The following SART1 variants were observed in gnomAD, a reference collection of about 807,000 sequenced individuals.
SART1 encodes the protein spliceosome associated factor 1, recruiter of U4/U6.U5 tri-snRNP.
A neutral mutation model predicts 105.0 loss-of-function variants in SART1; 28 were observed. That is an observed-to-expected ratio of 0.27 (90% CI 0.20 to 0.37). The LOEUF (loss-of-function observed/expected upper bound fraction) is 0.37, where lower values mean the gene tolerates loss of function less well. SART1 is among the 10% of genes least tolerant of loss of function. The pLI, the probability that SART1 is intolerant of heterozygous loss-of-function variation, is 1.00. For synonymous variants in SART1, 472 were observed against 462.9 expected (o/e 1.02, Z -0.25); for missense variants, 894 against 1,106.5 (o/e 0.81, Z 2.72).
At chr11:65,966,643 G>A (rs1855265947) in intron 9 of SART1, 87 bp downstream of exon 9, 2 of 1,373,488 alleles carry the variant, frequency 1.5e-6, no homozygotes, top group Non-Finnish European at 1.9e-6. Flanking sequence ...GAGAAGACAG[G>A]GCGAGTATTT....
At chr11:65,964,801 A>G (rs1855213766) in intron 3 of SART1, among the ~76,000 whole-genome samples, 1 of 151,726 alleles carries the variant, frequency 6.6e-6, no homozygotes, top group Non-Finnish European at 1.5e-5. Flanking sequence ...GAGTTGTTAG[A>G]TGGACTGGAA....
intron 12 of SART1, among the ~76,000 whole-genome samples, chr11:65,968,796 AG>A (rs1240155442): frequency 6.6e-6 from 1 of 152,130 alleles, no homozygotes; most frequent in African/African-American, 2.4e-5. Context: ...ATGGAGAGGT[AG>A]GGGGCCAACG....
At chr11:65,962,784 A>C (rs1855172898) in intron 1 of SART1, among the ~76,000 whole-genome samples, 1 of 152,244 alleles carries the variant, frequency 6.6e-6, no homozygotes, top group Non-Finnish European at 1.5e-5. Flanking sequence ...GGCCTGCACC[A>C]AGGCAGCAGC....
chr11:65,964,646 G>A (rs150143836), intron 3 of SART1, 76 bp downstream of exon 3: 1 of 1,464,774 alleles, frequency 6.8e-7, no homozygotes, highest in Non-Finnish European at 9.4e-7. Context: ...TGGGGTTAGA[G>A]GGCAGGTTCA....
chr11:65,964,600 G>A (rs1321505798), intron 3 of SART1, 30 bp downstream of exon 3: 1 of 1,592,648 alleles, frequency 6.3e-7, no homozygotes, highest in South Asian at 1.1e-5. Context: ...TAGGGTTTGG[G>A]GGAAAGAGGC....
intron 9 of SART1, 64 bp from the exon 10 acceptor site, chr11:65,967,195 G>C: frequency 6.3e-7 from 1 of 1,588,914 alleles, no homozygotes; most frequent in South Asian, 1.2e-5. Context: ...GTTCACCCTC[G>C]AGGGCTTGTG....
Position 65,977,830 on chromosome 11 carries a change from G to A in SART1, c.2103G>A (p.Lys701=), listed in dbSNP as rs755943045. Reference sequence around the variant, plus strand: ...GCTTCACACAGGACTTCAAGGAGAAGGACGGCTACAAACCCGACGTTAAGA... The same window carrying A: ...GCTTCACACAGGACTTCAAGGAGAAAGACGGCTACAAACCCGACGTTAAGA... ...YRGFTQDFKE[K]DGYKPDVKIE... The change falls in exon 17 of 20, where the codon AAG becomes AAA. Residue 701 remains lysine (K), a synonymous_variant. Coordinates refer to ENST00000312397, the MANE Select transcript of SART1 (RefSeq NM_005146.5). 1 of 1,613,984 alleles carries A rather than the reference G, an allele frequency of 6.2e-7. No individual in the cohort carries two copies.
chr11:65,971,814 G>A (rs951850372), intron 12 of SART1, among the ~76,000 whole-genome samples: 6 of 152,094 alleles, frequency 3.9e-5, no homozygotes, highest in Non-Finnish European at 8.8e-5. Flanking sequence ...TGATGGGTGT[G>A]AGGACAGGGC....
At position 65,979,039 on chromosome 11, in the gene SART1, T is replaced by C. The variant is rs2134925628; in HGVS notation, c.*9T>C. 6.2e-7 allele frequency: 1 copy of C among 1,614,020 alleles called. No homozygotes were observed. Among genetic ancestry groups the C allele is most frequent in the South Asian group, 1.1e-5 (1 of 91,076 alleles). The stretch of plus-strand genomic sequence containing the variant: ...ACACCATCACCAAGTGACAGCGCCC[T>C]CCCGCCCCGGCCCTGCCTCAACCTT... On this transcript the variant is annotated 3_prime_UTR_variant, in exon 20 of 20. Transcript: ENST00000312397.
intron 8 of SART1, 34 bp from the exon 9 acceptor site, chr11:65,966,316 G>T (rs1382026496): frequency 6.2e-7 from 1 of 1,613,846 alleles, no homozygotes; most frequent in Admixed American, 1.7e-5. Context: ...TCAGGAGCCA[G>T]CCTGGGTCCC....
Position 65,964,588 on chromosome 11 carries a change from G to T in SART1, c.427+18G>T. ...CAAGAAGGGTGAGTATGGGGCTGAG[G>T]ATAGGGTTTGGGGGAAAGAGGCCAT... On this transcript the variant is annotated intron_variant, in intron 3 of 19. Transcript: ENST00000312397. 1 of 1,600,972 alleles carries T rather than the reference G, an allele frequency of 6.2e-7. No homozygotes were observed. Among genetic ancestry groups the T allele is most frequent in the Non-Finnish European group, 8.5e-7 (1 of 1,176,500 alleles).
chr11:65,977,904 G>A lies in SART1; in HGVS notation c.2172+5G>A, dbSNP rs759709097. On this transcript the variant is annotated splice_donor_5th_base_variant and intron_variant, in intron 17 of 19. Transcript: ENST00000312397. ...CGGAAACTCACACCCAAGGAGGTGA[G>A]CAGGGCCTTTTGCAGGCGGAGGCCC... The A allele has an allele frequency of 3.7e-6, 6 of 1,605,606 alleles. No homozygotes were observed. Among genetic ancestry groups the A allele is most frequent in the African/African-American group, 1.3e-5 (1 of 74,842 alleles).
At chr11:65,964,313 C>G in intron 2 of SART1, 182 bp downstream of exon 2, 5 of 827,918 alleles carry the variant, frequency 6.0e-6, no homozygotes, top group Non-Finnish European at 1.0e-5. Flanking sequence ...AAGTGGCATT[C>G]ACTGGTTAGA....
At position 65,962,076 on chromosome 11, in the gene SART1, A is replaced by G; in HGVS notation, c.296A>G (p.Asp99Gly). 8.2e-7 allele frequency: 1 copy of G among 1,217,868 alleles called. No individual in the cohort carries two copies. Among genetic ancestry groups the G allele is most frequent in the Non-Finnish European group, 1.0e-6 (1 of 964,576 alleles). The allele number at this position is 1,217,868 out of a possible 1,614,324, so 75.4% of individuals were successfully genotyped here. Residue 99 changes from aspartate to glycine, a missense_variant, in exon 1 of 20, where the codon GAT becomes GGT. By Grantham distance (94) the Asp-to-Gly change is moderately conservative. This residue lies in a region of SART1 where 712 missense variants were observed against 778.2 expected (regional missense o/e 0.91). Coordinates refer to ENST00000312397, the MANE Select transcript of SART1 (RefSeq NM_005146.5). ...SERRVKREKR[D>G]DGYEAAASSK... ...CGGCGCGTGAAGCGGGAGAAGCGCG[A>G]TGACGGCTACGAGGCCGGTGAGGAG...
At chr11:65,972,301 C>A (rs1855394994) in intron 12 of SART1, among the ~76,000 whole-genome samples, 1 of 152,202 alleles carries the variant, frequency 6.6e-6, no homozygotes, top group South Asian at 2.1e-4. Context: ...GAGACAGAAT[C>A]GTGTCCCAGT....
chr11:65,969,662 G>A lies in SART1; in HGVS notation c.1572+1841G>A, dbSNP rs190605797. ...ATTCCTGAGCTCAAACGATCCTCTC[G>A]CCTCCACCTCCCAAAGTGCTGGGGT... On this transcript the variant is annotated intron_variant, in intron 12 of 19. Coordinates refer to ENST00000312397, the MANE Select transcript of SART1 (RefSeq NM_005146.5). Among the ~76,000 whole-genome samples the A allele has an allele frequency of 5.3e-5, 8 of 152,200 alleles. 1 individual carries two copies. The highest frequency in any genetic ancestry group is 1.4e-4 in the African/African-American group (6 of 41,518).
At chr11:65,966,701 G>A (rs938162599) in intron 9 of SART1, 145 bp downstream of exon 9, 24 of 926,476 alleles carry the variant, frequency 2.6e-5, no homozygotes, top group Admixed American at 6.2e-5. Context: ...AATGGCAACC[G>A]GGGGAGGCAC....
intron 12 of SART1, among the ~76,000 whole-genome samples, chr11:65,973,545 G>T (rs1315071116): frequency 6.6e-6 from 1 of 152,204 alleles, no homozygotes; most frequent in African/African-American, 2.4e-5. Flanking sequence ...GACATGGAGC[G>T]GCCAGAGTCC....
At chr11:65,963,715 C>T (rs1402626493) in intron 1 of SART1, among the ~76,000 whole-genome samples, 3 of 152,076 alleles carry the variant, frequency 2.0e-5, no homozygotes, top group Non-Finnish European at 2.9e-5. Flanking sequence ...CTTCTGACCT[C>T]GTGATCCATC....
Sources: gnomAD v4.1 joint callset for allele counts (sites outside exome capture counted in the v4.1 genomes callset) on GRCh38, gnomAD v4.1.1 for gene constraint, gnomAD v4.1.1 regional missense constraint, MANE v1.5 for transcripts, NCBI Gene and HGNC (gene_info 2026-07-23, HGNC 2026-07-21) for gene names.